The following FSAF1 variants were observed in gnomAD, a reference collection of about 807,000 sequenced individuals.
FSAF1 encodes the protein 40S small subunit processome assembly factor 1, also known as uncharacterized protein C1orf131.
the FSAF1 span, among the ~76,000 whole-genome samples, chr1:231,227,601 T>TTC: frequency 1.6e-4 from 23 of 145,644 alleles, no homozygotes; most frequent in African/African-American, 5.9e-4. Context: ...TTTTTTTTTT[T>TTC]TTTTTGAGAC....
the FSAF1 span, chr1:231,237,936 A>G: frequency 1.3e-5 from 2 of 152,234 alleles, no homozygotes; most frequent in Non-Finnish European, 2.9e-5. Context: ...TAGTCCCAGC[A>G]TTTGGGGAAG....
At chr1:231,237,847 A>C in the FSAF1 span, 1 of 152,252 alleles carries the variant, frequency 6.6e-6, no homozygotes, top group Admixed American at 6.5e-5. Context: ...ATAGCAATGA[A>C]TTTGTCAAAG....
the FSAF1 span, chr1:231,226,904 T>G: frequency 6.2e-7 from 1 of 1,602,912 alleles, no homozygotes; most frequent in African/African-American, 1.3e-5. Flanking sequence ...CCTGACTTGC[T>G]CTTAGCTTTC....
chr1:231,239,280 G>T, the FSAF1 span: 1 of 1,079,488 alleles, frequency 9.3e-7, no homozygotes, highest in Non-Finnish European at 1.3e-6. Context: ...ACATATTCCA[G>T]GGCTATATGC....
At chr1:231,232,456 G>T in the FSAF1 span, among the ~76,000 whole-genome samples, 1 of 152,294 alleles carries the variant, frequency 6.6e-6, no homozygotes, top group South Asian at 2.1e-4. Flanking sequence ...CCTCCAGATG[G>T]TGGCACCCCG....
At chr1:231,238,780 C>T in the FSAF1 span, 2 of 1,368,470 alleles carry the variant, frequency 1.5e-6, no homozygotes, top group Non-Finnish European at 2.0e-6. Flanking sequence ...ATTCCTGCCA[C>T]AGTCTAAAGA....
At chr1:231,224,316 T>C in the FSAF1 span, 1 of 1,612,548 alleles carries the variant, frequency 6.2e-7, no homozygotes, top group East Asian at 2.2e-5. Context: ...TTTCTTGATA[T>C]CAACTGGGCT....
the FSAF1 span, chr1:231,224,134 G>T: frequency 1.0e-6 from 1 of 954,848 alleles, no homozygotes; most frequent in Non-Finnish European, 1.5e-6. Context: ...AACTAGAAAT[G>T]TTACTTCTGT....
the FSAF1 span, chr1:231,239,074 G>C: frequency 1.9e-6 from 3 of 1,614,210 alleles, no homozygotes; most frequent in Non-Finnish European, 2.5e-6. Context: ...TCTTATGAGA[G>C]AACCAGGTAG....
chr1:231,229,506 T>C, the FSAF1 span, among the ~76,000 whole-genome samples: 3 of 152,234 alleles, frequency 2.0e-5, no homozygotes, highest in South Asian at 2.1e-4. Flanking sequence ...ATTCCTCTTC[T>C]GGGCATATAC....
chr1:231,226,903 C>G, the FSAF1 span: 1 of 1,602,304 alleles, frequency 6.2e-7, no homozygotes, highest in Non-Finnish European at 8.6e-7. Flanking sequence ...CCCTGACTTG[C>G]TCTTAGCTTT....
chr1:231,227,776 A>C, the FSAF1 span, among the ~76,000 whole-genome samples: 1 of 151,568 alleles, frequency 6.6e-6, no homozygotes, highest in African/African-American at 2.4e-5. Context: ...TTTTTAGTAA[A>C]GATGGGGTTT....
chr1:231,241,046 C>G, the FSAF1 span: 2 of 1,614,132 alleles, frequency 1.2e-6, no homozygotes, highest in Non-Finnish European at 1.7e-6. Flanking sequence ...GGTTCTGGAG[C>G]AGAGCGTCAA....
the FSAF1 span, chr1:231,229,044 A>G: frequency 4.4e-6 from 3 of 676,844 alleles, no homozygotes; most frequent in Non-Finnish European, 7.2e-6. Context: ...CATAGTTTGC[A>G]TGTTATGTTA....
chr1:231,225,521 G>A, the FSAF1 span: 1 of 1,612,496 alleles, frequency 6.2e-7, no homozygotes, highest in Admixed American at 1.7e-5. Context: ...CTGTTTCTTG[G>A]GCCTGATTTC....
chr1:231,237,122 A>C, the FSAF1 span: 1 of 152,176 alleles, frequency 6.6e-6, no homozygotes, highest in Non-Finnish European at 1.5e-5. Context: ...GGCATCCCAA[A>C]GTGCTCGGAT....
At chr1:231,232,217 C>G in the FSAF1 span, among the ~76,000 whole-genome samples, 12 of 152,156 alleles carry the variant, frequency 7.9e-5, no homozygotes, top group African/African-American at 2.9e-4. Flanking sequence ...TCTTTCCCCC[C>G]ATATTCTCTG....
chr1:231,225,267 A>G, the FSAF1 span: 4 of 583,914 alleles, frequency 6.9e-6, no homozygotes, highest in Admixed American at 9.0e-5. Context: ...AAAGTGGAAG[A>G]TTGGAGAAAC....
chr1:231,227,160 C>G, the FSAF1 span: 6 of 1,318,096 alleles, frequency 4.6e-6, no homozygotes, highest in Non-Finnish European at 6.5e-6. Context: ...TCAGATCCAC[C>G]GCTCTGTAAT....
Sources: allele counts gnomAD v4.1 joint callset (sites outside exome capture counted in the v4.1 genomes callset), GRCh38; gene constraint gnomAD v4.1.1; transcripts MANE v1.5; gene names NCBI Gene and HGNC (gene_info 2026-07-23, HGNC 2026-07-21).